Variants in RAD52 observed in about 807,000 individuals in gnomAD.
The protein encoded by RAD52 is RAD52 DNA repair protein.
Under a neutral mutation model 55.5 loss-of-function variants are expected in RAD52, and 47 were observed. The observed-to-expected ratio is 0.85, with a 90% confidence interval of 0.67 to 1.08. The LOEUF is 1.08. RAD52 is among the 50% of genes least tolerant of loss of function. The pLI, the probability that RAD52 is intolerant of heterozygous loss-of-function variation, is 0.00. For synonymous variants in RAD52, 184 were observed against 198.9 expected, an observed-to-expected ratio of 0.92 and a Z score of 0.63; for missense variants, 468 against 522.8, an observed-to-expected ratio of 0.90 and a Z score of 1.02.
chr12:937,171 C>T (rs1241067262), intron 1 of RAD52, among the ~76,000 whole-genome samples: 1 of 152,170 alleles, frequency 6.6e-6, no homozygotes, highest in Non-Finnish European at 1.5e-5. Context: ...TGTATACATC[C>T]TCCTGGGAGA....
At chr12:958,752 C>A (rs987043444) in intron 1 of RAD52, among the ~76,000 whole-genome samples, 3 of 152,030 alleles carry the variant, frequency 2.0e-5, no homozygotes, top group Non-Finnish European at 4.4e-5. Context: ...GGATCTGGGT[C>A]CTGCAGGGTG....
chr12:979,591 T>A (rs7132473), intron 1 of RAD52, among the ~76,000 whole-genome samples: 117,017 of 152,070 alleles, frequency 0.77, 46,902 homozygotes, highest in East Asian at 0.98. Flanking sequence ...ACACAGAGAA[T>A]ATGCCATGTG....
chr12:979,319 T>C (rs935113690), intron 1 of RAD52, among the ~76,000 whole-genome samples: 11 of 152,230 alleles, frequency 7.2e-5, no homozygotes, highest in Middle Eastern at 3.4e-3. Flanking sequence ...TACACGCCTC[T>C]AATCCCAGCT....
At chr12:935,077 T>G (rs1957541578) in intron 1 of RAD52, among the ~76,000 whole-genome samples, 1 of 151,892 alleles carries the variant, frequency 6.6e-6, no homozygotes, top group East Asian at 1.9e-4. Context: ...ATTGTGCCAC[T>G]GCACTCCAGC....
At chr12:914,700 C>T (rs1338425120) in intron 9 of RAD52, among the ~76,000 whole-genome samples, 168 bp from the exon 10 acceptor site, 1 of 152,208 alleles carries the variant, frequency 6.6e-6, no homozygotes, top group East Asian at 1.9e-4. Flanking sequence ...TCCCGAGTCC[C>T]AGTCCTACCT....
chr12:918,031 C>T (rs1295051674), intron 7 of RAD52, among the ~76,000 whole-genome samples: 5 of 152,136 alleles, frequency 3.3e-5, no homozygotes, highest in African/African-American at 4.8e-5. Context: ...CGCAATGCCA[C>T]GTGGGGTGTG....
chr12:916,501 G>A lies in RAD52; in HGVS notation c.726-18C>T, dbSNP rs746941880. 184 of 1,605,944 alleles carry A rather than the reference G, an allele frequency of 1.1e-4. 1 individual carries two copies. In the Middle Eastern group the frequency reaches 1.5e-3, roughly 13 times the overall value. ...TCAGGCTTCTGCATGAGAGGGCGGCGGCGAGGACGGGCTCCTGAGCAACAG... is the reference window on the plus strand; with the variant it reads ...TCAGGCTTCTGCATGAGAGGGCGGCAGCGAGGACGGGCTCCTGAGCAACAG... On this transcript the variant is annotated intron_variant, in intron 8 of 11. Transcript: ENST00000358495.
At chr12:932,749 A>G (rs1196455932) in intron 2 of RAD52, among the ~76,000 whole-genome samples, 1 of 152,236 alleles carries the variant, frequency 6.6e-6, no homozygotes, top group Non-Finnish European at 1.5e-5. Flanking sequence ...TAGCTCACAC[A>G]TGTACTATGT....
At chr12:971,289 ATT>A (rs967532845) in intron 1 of RAD52, among the ~76,000 whole-genome samples, 1 of 147,992 alleles carries the variant, frequency 6.8e-6, no homozygotes, top group African/African-American at 2.5e-5. Flanking sequence ...AGGGCATGGT[ATT>A]TTTTTTTTTA....
rs146288834 is a variant in RAD52, at chr12:943,489, C to T, written c.-19+6113G>A. On this transcript the variant is annotated intron_variant, in intron 1 of 11. Transcript: ENST00000358495. The stretch of plus-strand genomic sequence containing the variant: ...TCCCGAGTAACTGGGACTACAGGCA[C>T]GTGCCATCACGCCCAGCTAATTCTA... Among the ~76,000 whole-genome samples the T allele has an allele frequency of 3.7e-3, 567 of 152,274 alleles. 5 individuals are homozygous for T. The highest frequency in any genetic ancestry group is 0.013 in the African/African-American group (532 of 41,556).
At chr12:976,084 C>T (rs1476746675) in intron 1 of RAD52, 2 of 152,240 alleles carry the variant, frequency 1.3e-5, no homozygotes, top group Non-Finnish European at 2.9e-5. Context: ...CTTTGGGAGG[C>T]TGAGGCAGGT....
At chr12:939,643 G>A (rs1031555658) in intron 1 of RAD52, among the ~76,000 whole-genome samples, 8 of 152,204 alleles carry the variant, frequency 5.3e-5, no homozygotes, top group African/African-American at 1.9e-4. Context: ...TTAGAAGACT[G>A]AAAATACTAC....
upstream of RAD52, chr12:990,273 C>A (rs372827777): frequency 1.2e-4 from 18 of 152,158 alleles, 1 homozygote; most frequent in African/African-American, 4.1e-4. Context: ...AAATATAATT[C>A]ACACCATTCT....
At chr12:929,699 G>T in intron 5 of RAD52, 120 bp downstream of exon 5, 4 of 948,370 alleles carry the variant, frequency 4.2e-6, no homozygotes, top group Non-Finnish European at 7.0e-6. Context: ...TCTAGGGAAC[G>T]CTGGCTGAGA....
At chr12:972,248 T>C (rs1958869452) in intron 1 of RAD52, among the ~76,000 whole-genome samples, 2 of 152,078 alleles carry the variant, frequency 1.3e-5, no homozygotes, top group Admixed American at 1.3e-4. Flanking sequence ...TGGGGGAGAC[T>C]GAAGATAAGC....
upstream of RAD52, among the ~76,000 whole-genome samples, chr12:954,381 C>T (rs1211919268): frequency 1.3e-5 from 2 of 152,184 alleles, no homozygotes; most frequent in African/African-American, 2.4e-5. Flanking sequence ...CCTGTAATCC[C>T]AGCACTTTGG....
rs531713603 is a variant in RAD52 at position 911,749 on chromosome 12, C to T, written c.*1642G>A. ...TTATTAAATTGGCTGGGCGCAATGG[C>T]TCATGCCTATAATTCTAGTACTTTT... On this transcript the variant is annotated 3_prime_UTR_variant, in exon 12 of 12. Transcript: ENST00000358495. Among the ~76,000 whole-genome samples the T allele has an allele frequency of 1.3e-5, 2 of 152,324 alleles. No homozygotes were observed. Among genetic ancestry groups the T allele is most frequent in the African/African-American group, 4.8e-5 (2 of 41,568 alleles).
At chr12:917,530 A>G (rs1956461773) in intron 7 of RAD52, among the ~76,000 whole-genome samples, 1 of 152,114 alleles carries the variant, frequency 6.6e-6, no homozygotes, top group Non-Finnish European at 1.5e-5. Context: ...TGACCTGAAA[A>G]TGAAAATTAT....
At position 939,892 on chromosome 12, in the gene RAD52, T is replaced by C. The variant is rs144097192; in HGVS notation, c.-18-6816A>G. ...GAGTTTGAGACCAGCCTGGCCAAGA[T>C]GGTGAAACCCCGTCTCTACTGAAAA... is the stretch of plus-strand genomic sequence containing the variant. On this transcript the variant is annotated intron_variant, in intron 1 of 11. Coordinates refer to ENST00000358495, the MANE Select transcript of RAD52 (RefSeq NM_134424.4). Among the ~76,000 whole-genome samples the C allele has an allele frequency of 6.8e-3, 1,032 of 152,146 alleles. 7 individuals are homozygous for C. The highest frequency in any genetic ancestry group is 0.024 in the African/African-American group (982 of 41,536).
Sources: allele counts gnomAD v4.1 joint callset (sites outside exome capture counted in the v4.1 genomes callset), GRCh38; gene constraint gnomAD v4.1.1; transcripts MANE v1.5; gene names NCBI Gene and HGNC (gene_info 2026-07-23, HGNC 2026-07-21).